The following MAPK10 variants were observed in gnomAD, a reference collection of about 807,000 sequenced individuals.
MAPK10 encodes JNK3 alpha protein kinase.
MAPK10 carries 25 observed loss-of-function variants against 59.3 expected under a neutral mutation model. The observed-to-expected ratio is 0.42, with a 90% CI of 0.31 to 0.59. MAPK10 has a LOEUF of 0.59. MAPK10 is among the 20% of genes least tolerant of loss of function. MAPK10 has a pLI of 0.15. For missense variants in MAPK10, 351 were observed against 568.9 expected (o/e 0.62, Z 3.90); for synonymous variants, 190 against 200.5 (o/e 0.95, Z 0.44).
At chr4:86,036,169 A>G (rs926541093) in intron 11 of MAPK10, among the ~76,000 whole-genome samples, 2 of 152,194 alleles carry the variant, frequency 1.3e-5, no homozygotes, top group African/African-American at 4.8e-5. Context: ...CTCGCAGGGC[A>G]CCAGAAAGGC....
intron 1 of MAPK10, among the ~76,000 whole-genome samples, chr4:86,426,639 G>A (rs1232629782): frequency 1.3e-5 from 2 of 152,140 alleles, no homozygotes; most frequent in Non-Finnish European, 2.9e-5. Context: ...AAACACATCA[G>A]GAAAGTTGCA....
At chr4:86,283,069 T>G (rs2094874629) in intron 2 of MAPK10, among the ~76,000 whole-genome samples, 1 of 152,242 alleles carries the variant, frequency 6.6e-6, no homozygotes, top group Non-Finnish European at 1.5e-5. Flanking sequence ...AACACTATTT[T>G]GTTCTTTTCT....
intron 4 of MAPK10, among the ~76,000 whole-genome samples, chr4:86,134,834 T>C (rs1028693175): frequency 2.6e-5 from 4 of 152,194 alleles, no homozygotes; most frequent in African/African-American, 9.6e-5. Flanking sequence ...GCACGCACCA[T>C]GCACGAGCCG....
At chr4:86,580,032 T>G (rs1321650728) in intron 1 of MAPK10, among the ~76,000 whole-genome samples, 4 of 152,012 alleles carry the variant, frequency 2.6e-5, no homozygotes, top group Admixed American at 1.3e-4. Flanking sequence ...AGGTTGCTCT[T>G]GAACTCTGGA....
At chr4:86,292,407 G>T (rs2095253023) in intron 2 of MAPK10, among the ~76,000 whole-genome samples, 1 of 152,086 alleles carries the variant, frequency 6.6e-6, no homozygotes, top group Non-Finnish European at 1.5e-5. Flanking sequence ...GGAAATTCCT[G>T]GTATCAACTG....
chr4:86,381,884 G>C (rs1740770006), intron 1 of MAPK10, among the ~76,000 whole-genome samples: 1 of 152,090 alleles, frequency 6.6e-6, no homozygotes, highest in African/African-American at 2.4e-5. Flanking sequence ...TGTGAGGAGG[G>C]GGCACATTCA....
chr4:86,357,956 A>T lies in MAPK10; in HGVS notation c.-122+1702T>A, dbSNP rs182382479. ...TATTTAAGGTCACACCACCTTTGTCATCTGATTTTCTAGTCCCATTGTAGG... is the reference window on the plus strand; with the variant it reads ...TATTTAAGGTCACACCACCTTTGTCTTCTGATTTTCTAGTCCCATTGTAGG... On this transcript the variant is annotated intron_variant, in intron 1 of 13. Transcript: ENST00000641462. The T allele has an allele frequency of 8.1e-6, 3 of 371,454 alleles. No individual in the cohort carries two copies. In the Admixed American group the frequency reaches 1.9e-4, roughly 24 times the overall value. 23.0% of individuals were successfully genotyped at this position (371,454 alleles called of 1,614,324 possible).
At chr4:86,178,696 T>G (rs78062025) in intron 3 of MAPK10, among the ~76,000 whole-genome samples, 12,902 of 152,136 alleles carry the variant, frequency 0.085, 1,213 homozygotes, top group African/African-American at 0.23. Context: ...AATTAGACAT[T>G]AGAAATAAGT....
chr4:86,146,153 TGA>T (rs1449938242), intron 4 of MAPK10, among the ~76,000 whole-genome samples: 6 of 152,148 alleles, frequency 3.9e-5, no homozygotes, highest in Non-Finnish European at 7.4e-5. Flanking sequence ...TCCAGTGAGC[TGA>T]GAGTGAATAA....
chr4:86,083,813 G>C (rs553431328), intron 9 of MAPK10, among the ~76,000 whole-genome samples: 1 of 152,270 alleles, frequency 6.6e-6, no homozygotes, highest in South Asian at 2.1e-4. Flanking sequence ...CATGAGGAGA[G>C]GAAAGGAAAG....
chr4:86,434,369 G>A (rs1235299153), intron 1 of MAPK10, among the ~76,000 whole-genome samples: 1 of 152,030 alleles, frequency 6.6e-6, no homozygotes, highest in Non-Finnish European at 1.5e-5. Context: ...CCACAGAATG[G>A]GAGAAAACAT....
At position 86,266,363 on chromosome 4, in the gene MAPK10, C is replaced by G. The variant is rs1470312707; in HGVS notation, c.-6-71956G>C. Among the ~76,000 whole-genome samples, 2 of 152,000 alleles carry G rather than the reference C, an allele frequency of 1.3e-5. 1 individual carries two copies. Among genetic ancestry groups the G allele is most frequent in the South Asian group, 4.1e-4 (2 of 4,822 alleles). ...ACAGACAGTTATTCAACAATCAGTA[C>G]TTCCTTTTCCTCATCTGTATTAATA... On this transcript the variant is annotated intron_variant, in intron 2 of 13. Transcript: ENST00000641462.
At chr4:86,470,917 C>G (rs918715418) in intron 1 of MAPK10, among the ~76,000 whole-genome samples, 2 of 152,068 alleles carry the variant, frequency 1.3e-5, no homozygotes, top group Admixed American at 6.6e-5. Flanking sequence ...AACTACTTAC[C>G]AAAACAAATC....
intron 4 of MAPK10, chr4:86,124,302 A>C (rs983137667): frequency 6.6e-6 from 1 of 152,018 alleles, no homozygotes; most frequent in Non-Finnish European, 1.5e-5. Context: ...AGATTTATAA[A>C]TATTTTTATA....
intron 1 of MAPK10, among the ~76,000 whole-genome samples, chr4:86,356,276 T>A (rs1252537918): frequency 6.6e-6 from 1 of 152,190 alleles, no homozygotes; most frequent in East Asian, 1.9e-4. Flanking sequence ...CTAGCATTAT[T>A]TCCATAAGCC....
chr4:86,023,286 G>C (rs991846995), intron 13 of MAPK10, among the ~76,000 whole-genome samples: 2 of 152,130 alleles, frequency 1.3e-5, no homozygotes, highest in African/African-American at 4.8e-5. Context: ...TGATTCCGTT[G>C]ATCTATTTGT....
intron 4 of MAPK10, among the ~76,000 whole-genome samples, chr4:86,145,669 C>A (rs973593592): frequency 7.2e-5 from 11 of 152,086 alleles, no homozygotes; most frequent in African/African-American, 2.7e-4. Context: ...CTCTCTTCCT[C>A]TTCCTCATTG....
chr4:86,179,105 G>T (rs2076323937), intron 3 of MAPK10, among the ~76,000 whole-genome samples: 1 of 152,060 alleles, frequency 6.6e-6, no homozygotes, highest in Non-Finnish European at 1.5e-5. Context: ...GGGATACTGA[G>T]GCAGGAGAAT....
intron 4 of MAPK10, among the ~76,000 whole-genome samples, chr4:86,115,551 C>T (rs1281833607): frequency 3.9e-5 from 6 of 152,040 alleles, no homozygotes; most frequent in African/African-American, 1.4e-4. Flanking sequence ...AACCTCCGAC[C>T]CCTGGGTTCA....
Sources: gnomAD v4.1 joint callset for allele counts (sites outside exome capture counted in the v4.1 genomes callset) on GRCh38, gnomAD v4.1.1 for gene constraint, MANE v1.5 for transcripts, NCBI Gene and HGNC (gene_info 2026-07-23, HGNC 2026-07-21) for gene names.